DGKH: variants seen among roughly 807,000 people sequenced by gnomAD.
DGKH encodes the protein DAG kinase eta.
Under a neutral mutation model 159.3 loss-of-function variants are expected in DGKH, and 90 were observed. The ratio of observed to expected loss-of-function variants is 0.57; its 90% confidence interval spans 0.48 to 0.67. The LOEUF is 0.67. Among genes scored for constraint, DGKH ranks in the 30% least tolerant of loss-of-function variants. The pLI is 0.00. For synonymous variants in DGKH, 536 were observed against 553.8 expected, an observed-to-expected ratio of 0.97 and a Z score of 0.45; for missense variants, 1,181 against 1,506.1, an observed-to-expected ratio of 0.78 and a Z score of 3.57.
intron 3 of DGKH, among the ~76,000 whole-genome samples, chr13:42,138,829 T>C (rs1288136574): frequency 6.6e-6 from 1 of 152,194 alleles, no homozygotes; most frequent in Non-Finnish European, 1.5e-5. Flanking sequence ...TTAGTTAAAA[T>C]ATTTTATAGC....
chr13:42,199,537 C>T (rs1566183980), intron 18 of DGKH, 29 bp from the exon 19 acceptor site: 1 of 1,431,284 alleles, frequency 7.0e-7, no homozygotes, highest in East Asian at 2.3e-5. Context: ...CTCAAATTGA[C>T]TTTGATGTAC....
At chr13:42,224,349 C>A (rs1186961766) in intron 29 of DGKH, among the ~76,000 whole-genome samples, 4 of 152,172 alleles carry the variant, frequency 2.6e-5, no homozygotes, top group African/African-American at 9.7e-5. Flanking sequence ...TCCATCTTCC[C>A]CTAACCCATC....
At chr13:42,041,653 G>A (rs936823516) in intron 1 of DGKH, among the ~76,000 whole-genome samples, 1 of 152,090 alleles carries the variant, frequency 6.6e-6, no homozygotes, top group Non-Finnish European at 1.5e-5. Context: ...GATTCAAACA[G>A]AACCGTCTCA....
rs1954280243 is a variant in DGKH at position 42,085,251 on chromosome 13, T to C, written c.192+36286T>C. On this transcript the variant is annotated intron_variant, in intron 1 of 29. Transcript: ENST00000337343. The stretch of plus-strand genomic sequence containing the variant: ...CTGAATATGTAAATCATAATTAATG[T>C]TACATTTCATGCTGGTGAAATGTAG... Among the ~76,000 whole-genome samples the C allele has an allele frequency of 2.0e-5, 3 of 152,140 alleles. No homozygotes were observed. In the East Asian group the frequency reaches 5.8e-4, roughly 29 times the overall value.
In DGKH at chr13:42,237,606, G is replaced by C. The variant is rs1958444590; in HGVS notation, c.*8418G>C. On this transcript the variant is annotated 3_prime_UTR_variant, in exon 30 of 30. Coordinates refer to ENST00000337343, the MANE Select transcript of DGKH (RefSeq NM_178009.5). The stretch of plus-strand genomic sequence containing the variant: ...AAAATATCACATTGATGAAGTCCGA[G>C]ACTGTATCTAGATCTTAGCATAACT... 6.6e-6 allele frequency: 1 copy of C among 152,196 alleles called. No individual in the cohort carries two copies. The highest frequency in any genetic ancestry group is 1.5e-5 in the Non-Finnish European group (1 of 68,036). 9.4% of individuals were successfully genotyped at this position (152,196 alleles called of 1,614,324 possible). A position where few individuals can be genotyped will look rare whatever the true frequency, so the allele number is the denominator to read the frequency against.
rs796375993 is a variant in DGKH at position 42,095,313 on chromosome 13, C to T, written c.193-32150C>T. On this transcript the variant is annotated intron_variant, in intron 1 of 29. Coordinates refer to ENST00000337343, the MANE Select transcript of DGKH (RefSeq NM_178009.5). ...GAGTAACTGGGATTACAGGCACCTG[C>T]CACCATGCCTGGCTAATTTTTTTAT... Among the ~76,000 whole-genome samples the T allele has an allele frequency of 2.0e-5, 3 of 152,056 alleles. 1 individual carries two copies. Among genetic ancestry groups the T allele is most frequent in the African/African-American group, 7.2e-5 (3 of 41,488 alleles).
rs369280251 is a variant in DGKH at position 42,087,060 on chromosome 13, C to CACAG, written c.192+38098_192+38099insGACA. Among the ~76,000 whole-genome samples, 6 of 149,924 alleles carry CACAG rather than the reference C, an allele frequency of 4.0e-5. No individual in the cohort carries two copies. In the East Asian group the frequency reaches 9.7e-4, roughly 24 times the overall value. On this transcript the variant is annotated intron_variant, in intron 1 of 29. Transcript: ENST00000337343. ...CAGAAGGAAAACACACACACACACACACACACACACACACACACACACACC... is the reference window on the plus strand; with the variant it reads ...CAGAAGGAAAACACACACACACACACACAGACACACACACACACACACACACACC...
intron 1 of DGKH, among the ~76,000 whole-genome samples, chr13:42,122,176 A>C (rs1955087403): frequency 6.6e-6 from 1 of 152,220 alleles, no homozygotes; most frequent in African/African-American, 2.4e-5. Flanking sequence ...CAGAAAGAGA[A>C]AGTGGAATGA....
intron 9 of DGKH, among the ~76,000 whole-genome samples, chr13:42,168,120 TAGAA>T (rs1401526375): frequency 5.3e-5 from 8 of 152,308 alleles, no homozygotes; most frequent in African/African-American, 1.7e-4. Context: ...ATTCTTGTAA[TAGAA>T]AGAGAAGAAC....
At chr13:42,178,036 T>G (rs141769141) in intron 12 of DGKH, 99 bp from the exon 13 acceptor site, 246 of 716,498 alleles carry the variant, frequency 3.4e-4, no homozygotes, top group Non-Finnish European at 4.4e-4. Context: ...TTGCCTTGCC[T>G]AAACATATGT....
chr13:42,121,302 A>G (rs1327481454), intron 1 of DGKH, among the ~76,000 whole-genome samples: 1 of 152,234 alleles, frequency 6.6e-6, no homozygotes, highest in Non-Finnish European at 1.5e-5. Context: ...GCTTTGTATT[A>G]GATGATTTTG....
rs1264783070 is a variant in DGKH at position 42,189,245 on chromosome 13, A to G, written c.1848A>G (p.Glu616=). The change falls in exon 15 of 30, where the codon GAA becomes GAG. Residue 616 remains glutamate (E), a synonymous_variant. Transcript: ENST00000337343. The part of the protein sequence containing the change: ...PSSQKAVKPR[E]IMLRANSLKK... The stretch of plus-strand genomic sequence containing the variant: ...CCCAGAAAGCCGTCAAACCAAGGGA[A>G]ATCATGTTGCGGGCAAATAGTTTAA... 6.2e-7 allele frequency: 1 copy of G among 1,614,260 alleles called. No homozygotes were observed. Among genetic ancestry groups the G allele is most frequent in the Non-Finnish European group, 8.5e-7 (1 of 1,180,052 alleles).
At chr13:42,210,576 T>A in intron 23 of DGKH, 26 bp from the exon 24 acceptor site, 2 of 1,602,200 alleles carry the variant, frequency 1.2e-6, no homozygotes, top group East Asian at 4.5e-5. Flanking sequence ...AAACTAACAA[T>A]TCGTTACAAT....
intron 1 of DGKH, among the ~76,000 whole-genome samples, chr13:42,057,142 C>G (rs568166315): frequency 1.3e-5 from 2 of 150,744 alleles, no homozygotes; most frequent in Non-Finnish European, 3.0e-5. Flanking sequence ...CCTAACTCTT[C>G]AAATAGGTTT....
At position 42,188,972 on chromosome 13, in the gene DGKH, G is replaced by A. The variant is rs984137816; in HGVS notation, c.1639-64G>A. On this transcript the variant is annotated intron_variant, in intron 14 of 29. Transcript: ENST00000337343. ...CAAAACATCTCTATAAAAATTTCTT[G>A]TACTTTGTCTGCTGATCTTGATTCT... The A allele has an allele frequency of 3.7e-5, 57 of 1,544,306 alleles. No individual in the cohort carries two copies. The African/African-American group carries it at 5.8e-4, about 16-fold the overall frequency.
intron 8 of DGKH, 35 bp downstream of exon 8, chr13:42,165,468 G>A: frequency 1.6e-6 from 2 of 1,230,736 alleles, no homozygotes; most frequent in Non-Finnish European, 2.2e-6. Flanking sequence ...TATATTTCTG[G>A]TATATTTAAC....
intron 21 of DGKH, among the ~76,000 whole-genome samples, chr13:42,206,443 G>A (rs983036608): frequency 6.6e-6 from 1 of 152,136 alleles, no homozygotes; most frequent in Non-Finnish European, 1.5e-5. Context: ...TATGAAATAA[G>A]GAAGGGAAGA....
chr13:42,114,622 T>G (rs780793074), intron 1 of DGKH, among the ~76,000 whole-genome samples: 67 of 152,210 alleles, frequency 4.4e-4, no homozygotes, highest in Non-Finnish European at 1.6e-4. Flanking sequence ...AATCATTTCC[T>G]AATTTTCACT....
intron 7 of DGKH, among the ~76,000 whole-genome samples, chr13:42,160,763 C>A (rs1956161444): frequency 6.6e-6 from 1 of 152,208 alleles, no homozygotes; most frequent in Non-Finnish European, 1.5e-5. Flanking sequence ...TGCACTGGGG[C>A]TGACTTATTT....
Sources: allele counts gnomAD v4.1 joint callset (sites outside exome capture counted in the v4.1 genomes callset), GRCh38; gene constraint gnomAD v4.1.1; transcripts MANE v1.5; gene names NCBI Gene and HGNC (gene_info 2026-07-23, HGNC 2026-07-21).